The following RXFP2 variants were observed in gnomAD, a reference collection of about 807,000 sequenced individuals.
RXFP2 encodes relaxin family peptide receptor 2, also known as relaxin receptor 2.
A neutral mutation model predicts 88.6 loss-of-function variants in RXFP2; 68 were observed. The ratio of observed to expected loss-of-function variants is 0.77; its 90% CI spans 0.63 to 0.94. RXFP2 has a LOEUF of 0.94. Among genes scored for constraint, RXFP2 ranks in the 40% least tolerant of loss-of-function variants. The probability of loss-of-function intolerance (pLI) is 0.00; values close to 1 mark genes in which losing one functional copy is unlikely to be tolerated. For missense variants in RXFP2, 791 were observed against 893.9 expected (o/e 0.88, Z 1.47); for synonymous variants, 329 against 306.8 (o/e 1.07, Z -0.76).
At chr13:31,789,338 C>T (rs1490798304) in intron 14 of RXFP2, 145 bp downstream of exon 14, 1 of 678,202 alleles carries the variant, frequency 1.5e-6, no homozygotes, top group South Asian at 1.6e-5. Context: ...CACCTTTGGT[C>T]CCTGTTCAAA....
intron 5 of RXFP2, among the ~76,000 whole-genome samples, chr13:31,769,903 T>C (rs1358588800): frequency 6.6e-6 from 1 of 152,206 alleles, no homozygotes; most frequent in Non-Finnish European, 1.5e-5. Context: ...CTCTCATAAT[T>C]ATGTCATCTG....
chr13:31,765,017 T>C lies in RXFP2; in HGVS notation c.320-20T>C. On this transcript the variant is annotated intron_variant, in intron 3 of 17. Transcript: ENST00000298386. Reference sequence around the variant, plus strand: ...ATGTATTTGTTTACTAGTGAAATCTTACTCTTTTTGTCCCATTAGTTCTAA... The same window carrying C: ...ATGTATTTGTTTACTAGTGAAATCTCACTCTTTTTGTCCCATTAGTTCTAA... 7.7e-7 allele frequency: 1 copy of C among 1,302,252 alleles called. No homozygotes were observed. The highest frequency in any genetic ancestry group is 1.2e-5 in the South Asian group (1 of 84,844). The allele number at this position is 1,302,252 out of a possible 1,614,324, so 80.7% of individuals were successfully genotyped here.
intron 1 of RXFP2, among the ~76,000 whole-genome samples, chr13:31,745,214 C>G (rs1456772705): frequency 6.6e-6 from 1 of 152,024 alleles, no homozygotes; most frequent in Non-Finnish European, 1.5e-5. Context: ...TATGAATTCC[C>G]CCTTTTTGCG....
Position 31,766,173 on chromosome 13 carries a change from T to G in RXFP2, c.497+146T>G, listed in dbSNP as rs546615123. ...TAATTAAGATTAGAAAATAAAACAT[T>G]TGAAAGTATGTTATCTTTCCATTTC... On this transcript the variant is annotated intron_variant, in intron 5 of 17. Transcript: ENST00000298386. 597 of 605,528 alleles carry G rather than the reference T, an allele frequency of 9.9e-4. 1 individual carries two copies. Among genetic ancestry groups the G allele is most frequent in the South Asian group, 8.1e-3 (388 of 47,828 alleles). The allele number at this position is 605,528 out of a possible 1,614,324, so 37.5% of individuals were successfully genotyped here. A position where few individuals can be genotyped will look rare whatever the true frequency, so the allele number is the denominator to read the frequency against.
intron 14 of RXFP2, among the ~76,000 whole-genome samples, chr13:31,789,951 T>G (rs923693427): frequency 6.6e-6 from 1 of 152,202 alleles, no homozygotes; most frequent in African/African-American, 2.4e-5. Flanking sequence ...GTTCATTTTC[T>G]TCTGTGGCAC....
intron 1 of RXFP2, among the ~76,000 whole-genome samples, chr13:31,743,797 C>G (rs1235344136): frequency 6.6e-6 from 1 of 152,082 alleles, no homozygotes; most frequent in East Asian, 1.9e-4. Context: ...AATCTCCCTT[C>G]TGCTCACCTT....
intron 9 of RXFP2, among the ~76,000 whole-genome samples, chr13:31,779,705 C>T (rs925235283): frequency 1.3e-5 from 2 of 152,184 alleles, no homozygotes; most frequent in Admixed American, 1.3e-4. Flanking sequence ...GCTGCTGGAA[C>T]TCTTCTCTGT....
intron 5 of RXFP2, among the ~76,000 whole-genome samples, chr13:31,766,474 A>G (rs1265614745): frequency 6.6e-6 from 1 of 152,216 alleles, no homozygotes; most frequent in Non-Finnish European, 1.5e-5. Flanking sequence ...GCAACCAGTG[A>G]TATTAACATA....
Position 31,739,526 on chromosome 13 carries a change from A to G in RXFP2, c.-87A>G. 2 of 825,494 alleles carry G rather than the reference A, an allele frequency of 2.4e-6. No individual in the cohort carries two copies. Among genetic ancestry groups the G allele is most frequent in the Non-Finnish European group, 4.3e-6 (2 of 467,666 alleles). 51.1% of individuals were successfully genotyped at this position (825,494 alleles called of 1,614,324 possible). On this transcript the variant is annotated 5_prime_UTR_variant, in exon 1 of 18. Coordinates refer to ENST00000298386, the MANE Select transcript of RXFP2 (RefSeq NM_130806.5). ...TGAGGTTCTAGCTGTGAGCATGCTC[A>G]GAACATGGGAGGCACTGAACTTACT...
At chr13:31,748,464 G>T (rs575346638) in intron 1 of RXFP2, among the ~76,000 whole-genome samples, 3 of 151,992 alleles carry the variant, frequency 2.0e-5, no homozygotes, top group Non-Finnish European at 4.4e-5. Context: ...GTTTTAATTT[G>T]CATTTCTCTG....
chr13:31,772,081 G>A (rs1266362442), intron 5 of RXFP2, among the ~76,000 whole-genome samples: 1 of 152,136 alleles, frequency 6.6e-6, no homozygotes, highest in Admixed American at 6.5e-5. Context: ...AAAATGTCAG[G>A]CCTTTCTAAA....
chr13:31,762,769 G>A (rs1872361479), intron 3 of RXFP2, among the ~76,000 whole-genome samples: 1 of 151,924 alleles, frequency 6.6e-6, no homozygotes, highest in East Asian at 1.9e-4. Context: ...AAATTAGAAA[G>A]TAAAAAAGGA....
At chr13:31,749,957 C>T (rs969787340) in intron 1 of RXFP2, among the ~76,000 whole-genome samples, 2 of 152,134 alleles carry the variant, frequency 1.3e-5, no homozygotes, top group African/African-American at 4.8e-5. Flanking sequence ...CCTTCAAAAC[C>T]TCACTCATAT....
At chr13:31,780,615 A>G (rs1169266754) in intron 9 of RXFP2, among the ~76,000 whole-genome samples, 1 of 152,306 alleles carries the variant, frequency 6.6e-6, no homozygotes, top group Non-Finnish European at 1.5e-5. Flanking sequence ...AGCTATTGCC[A>G]TATTTGGGGA....
At chr13:31,761,885 A>T in intron 3 of RXFP2, 84 bp downstream of exon 3, 1 of 917,814 alleles carries the variant, frequency 1.1e-6, no homozygotes, top group East Asian at 2.5e-5. Context: ...TAATGTGACA[A>T]ATTCCCTTCA....
chr13:31,781,801 AAG>A, intron 10 of RXFP2, 59 bp downstream of exon 10: 1 of 1,411,012 alleles, frequency 7.1e-7, no homozygotes, highest in Non-Finnish European at 1.0e-6. Flanking sequence ...GGAAGTTAAA[AAG>A]AAAACATTGA....
At chr13:31,785,108 G>C (rs966078220) in intron 11 of RXFP2, among the ~76,000 whole-genome samples, 1 of 152,108 alleles carries the variant, frequency 6.6e-6, no homozygotes, top group African/African-American at 2.4e-5. Context: ...ATGGGATATT[G>C]GCTTAAATGC....
chr13:31,771,148 C>G (rs1472287629), intron 5 of RXFP2, among the ~76,000 whole-genome samples: 1 of 152,176 alleles, frequency 6.6e-6, no homozygotes, highest in Non-Finnish European at 1.5e-5. Flanking sequence ...AACAGACATG[C>G]ACAAATATGT....
chr13:31,796,853 A>T (rs919582822), intron 16 of RXFP2, among the ~76,000 whole-genome samples: 1 of 152,246 alleles, frequency 6.6e-6, no homozygotes, highest in Admixed American at 6.5e-5. Flanking sequence ...GAACTTTTTG[A>T]GCATCAACAT....
Sources: gnomAD v4.1 joint callset for allele counts (sites outside exome capture counted in the v4.1 genomes callset) on GRCh38, gnomAD v4.1.1 for gene constraint, MANE v1.5 for transcripts, NCBI Gene and HGNC (gene_info 2026-07-23, HGNC 2026-07-21) for gene names.